The following SCARB2 variants were observed in gnomAD, a reference collection of about 807,000 sequenced individuals.
SCARB2 encodes scavenger receptor class B member 2.
Under a neutral mutation model 58.6 loss-of-function variants are expected in SCARB2, and 29 were observed. The ratio of observed to expected loss-of-function variants is 0.49; its 90% CI spans 0.37 to 0.67. The LOEUF is 0.67. Among genes scored for constraint, SCARB2 ranks in the 30% least tolerant of loss-of-function variants. The pLI, the probability that SCARB2 is intolerant of heterozygous loss-of-function variation, is 0.00. For synonymous variants in SCARB2, 195 were observed against 210.1 expected (o/e 0.93, Z 0.62); for missense variants, 488 against 578.5 (o/e 0.84, Z 1.60).
chr4:76,177,541 T>C lies in SCARB2; in HGVS notation c.613-1013A>G, dbSNP rs138618299. Among the ~76,000 whole-genome samples the C allele has an allele frequency of 8.1e-4, 124 of 152,278 alleles. 1 individual carries two copies. Among genetic ancestry groups the C allele is most frequent in the African/African-American group, 2.9e-3 (119 of 41,560 alleles). ...CTCAAGAGAATTCCACTTCAAGGTATATACCCAATGTTCATATAAAAGCTT... is the reference window on the plus strand; with the variant it reads ...CTCAAGAGAATTCCACTTCAAGGTACATACCCAATGTTCATATAAAAGCTT... On this transcript the variant is annotated intron_variant, in intron 4 of 11. Coordinates refer to ENST00000264896, the MANE Select transcript of SCARB2 (RefSeq NM_005506.4).
intron 1 of SCARB2, among the ~76,000 whole-genome samples, chr4:76,198,935 A>G (rs1161697483): frequency 1.3e-5 from 2 of 152,022 alleles, no homozygotes; most frequent in Admixed American, 1.3e-4. Flanking sequence ...GGGAAGTTGT[A>G]AATACAGCTG....
At chr4:76,174,098 T>C (rs754883986) in intron 7 of SCARB2, 46 bp downstream of exon 7, 2 of 1,609,390 alleles carry the variant, frequency 1.2e-6, no homozygotes, top group Non-Finnish European at 1.7e-6. Flanking sequence ...CTCCAATCCT[T>C]CTGCATTCTT....
chr4:76,184,123 G>A (rs1216768253), intron 2 of SCARB2, among the ~76,000 whole-genome samples: 2 of 152,142 alleles, frequency 1.3e-5, no homozygotes, highest in African/African-American at 4.8e-5. Context: ...TTACAAGTAT[G>A]TAGTACAAAT....
At chr4:76,172,676 ATTCTTTTTTTTTTT>A (rs1219863227) in intron 7 of SCARB2, 3 of 132,490 alleles carry the variant, frequency 2.3e-5, no homozygotes, top group Admixed American at 7.0e-5. Context: ...ATGATATCTT[ATTCTTTTTTTTTTT>A]TTCTTTTTTA....
At chr4:76,222,621 A>G (rs1442665537) in intron 1 of SCARB2, among the ~76,000 whole-genome samples, 1 of 152,128 alleles carries the variant, frequency 6.6e-6, no homozygotes, top group African/African-American at 2.4e-5. Flanking sequence ...TCATCAGAGG[A>G]GGGTTTTGGT....
At chr4:76,177,237 G>T (rs1021628168) in intron 4 of SCARB2, 2 of 151,704 alleles carry the variant, frequency 1.3e-5, no homozygotes, top group African/African-American at 4.8e-5. Context: ...ATATACTAAT[G>T]GCCAGAGAGC....
chr4:76,193,748 CTTATAGGTAGAAGGAATTCATTT>C (rs1047362162), intron 2 of SCARB2: 1 of 152,176 alleles, frequency 6.6e-6, no homozygotes, highest in Non-Finnish European at 1.5e-5. Flanking sequence ...ATTTTACAGG[CTTATAGGTAGAAGGAATTCATTT>C]CTAGATGAGA....
At chr4:76,176,890 G>A (rs1732261284) in intron 4 of SCARB2, 1 of 193,506 alleles carries the variant, frequency 5.2e-6, no homozygotes, top group African/African-American at 2.4e-5. Flanking sequence ...TCCAGCTGCT[G>A]GCCTGCTCTA....
intron 2 of SCARB2, among the ~76,000 whole-genome samples, chr4:76,186,462 G>A (rs1053820134): frequency 1.3e-5 from 2 of 152,022 alleles, no homozygotes; most frequent in African/African-American, 4.8e-5. Context: ...GAAAGCAAGG[G>A]GAGCCAGCCA....
At chr4:76,186,762 T>A (rs1732495927) in intron 2 of SCARB2, among the ~76,000 whole-genome samples, 1 of 152,222 alleles carries the variant, frequency 6.6e-6, no homozygotes, top group Non-Finnish European at 1.5e-5. Flanking sequence ...GGTCACAACC[T>A]TTTGTGCATG....
In SCARB2 at chr4:76,180,104, C is replaced by T. The variant is rs183885545; in HGVS notation, c.424-399G>A. 9.8e-4 allele frequency: 302 copies of T among 308,708 alleles called. 1 individual carries two copies. Among genetic ancestry groups the T allele is most frequent in the African/African-American group, 6.2e-3 (288 of 46,376 alleles). The allele number at this position is 308,708 out of a possible 1,614,324, so 19.1% of individuals were successfully genotyped here. A position where few individuals can be genotyped will look rare whatever the true frequency, so the allele number is the denominator to read the frequency against. On this transcript the variant is annotated intron_variant, in intron 3 of 11. Transcript: ENST00000264896. ...CTAGGTGGCAGGGACCTCATACTGT[C>T]TAGGTCCTGGGTCCATCATCAGTGT...
At chr4:76,179,742 C>T in intron 3 of SCARB2, 37 bp from the exon 4 acceptor site, 2 of 1,509,620 alleles carry the variant, frequency 1.3e-6, no homozygotes, top group Non-Finnish European at 1.8e-6. Flanking sequence ...GCAGCATCCC[C>T]TCCAAAGCAC....
chr4:76,177,550 T>A (rs1421887554), intron 4 of SCARB2, among the ~76,000 whole-genome samples: 1 of 152,204 alleles, frequency 6.6e-6, no homozygotes, highest in African/African-American at 2.4e-5. Context: ...ATATACCCAA[T>A]GTTCATATAA....
chr4:76,176,000 G>A (rs995357159), intron 5 of SCARB2, 90 bp from the exon 6 acceptor site: 2 of 1,458,606 alleles, frequency 1.4e-6, no homozygotes, highest in Middle Eastern at 2.2e-4. Context: ...GATTTAACTG[G>A]AGCTGTCTAT....
At chr4:76,213,980 C>A, upstream of SCARB2, 1 of 182,550 alleles carries the variant, frequency 5.5e-6, no homozygotes, top group Non-Finnish European at 1.1e-5. Flanking sequence ...CCTCCCCGGC[C>A]GGTCCCCGGT....
At chr4:76,202,802 C>T (rs529594567) in intron 1 of SCARB2, among the ~76,000 whole-genome samples, 8 of 152,120 alleles carry the variant, frequency 5.3e-5, no homozygotes, top group African/African-American at 1.2e-4. Context: ...CTTTTATAAA[C>T]GATTATCCTT....
chr4:76,214,212 G>T (rs1261652269), upstream of SCARB2: 13 of 454,328 alleles, frequency 2.9e-5, no homozygotes, highest in Admixed American at 2.1e-4. Context: ...AGTTAGCGGG[G>T]ACACCGTTAC....
intron 1 of SCARB2, among the ~76,000 whole-genome samples, chr4:76,226,350 C>T (rs1420330067): frequency 6.6e-6 from 1 of 152,206 alleles, no homozygotes; most frequent in Non-Finnish European, 1.5e-5. Context: ...GCATTATGCT[C>T]TGCTACTTGA....
Position 76,160,657 on chromosome 4 carries a change from A to G in SCARB2, c.*1056T>C, listed in dbSNP as rs1269410367. ...ACTGAAACTGAGGAAGGAACTTGTA[A>G]AAAGAACTTCAAAATTACCAAGAAG... On this transcript the variant is annotated 3_prime_UTR_variant, in exon 12 of 12. Coordinates refer to ENST00000264896, the MANE Select transcript of SCARB2 (RefSeq NM_005506.4). 1 of 152,224 alleles carries G rather than the reference A, an allele frequency of 6.6e-6. No individual in the cohort carries two copies. Among genetic ancestry groups the G allele is most frequent in the Admixed American group, 6.5e-5 (1 of 15,282 alleles). 9.4% of individuals were successfully genotyped at this position (152,224 alleles called of 1,614,324 possible). A position where few individuals can be genotyped will look rare whatever the true frequency, so the allele number is the denominator to read the frequency against.
Sources: gnomAD v4.1 joint callset for allele counts (sites outside exome capture counted in the v4.1 genomes callset) on GRCh38, gnomAD v4.1.1 for gene constraint, MANE v1.5 for transcripts, NCBI Gene and HGNC (gene_info 2026-07-23, HGNC 2026-07-21) for gene names.